Variants in NOTCH1 observed in about 807,000 individuals in gnomAD.
NOTCH1 encodes the protein notch receptor 1.
Under a neutral mutation model 254.8 loss-of-function variants are expected in NOTCH1, and 37 were observed. The observed-to-expected ratio is 0.15, with a 90% CI of 0.11 to 0.19. The LOEUF (loss-of-function observed/expected upper bound fraction) is 0.19, where lower values mean the gene tolerates loss of function less well. Among genes scored for constraint, NOTCH1 ranks in the 10% least tolerant of loss-of-function variants. NOTCH1 has a pLI of 1.00. For synonymous variants in NOTCH1, 1,731 were observed against 1,618.1 expected (o/e 1.07, Z -1.68); for missense variants, 2,972 against 3,708.6 (o/e 0.80, Z 5.16).
intron 19 of NOTCH1, 31 bp downstream of exon 19, chr9:136,508,839 C>T: frequency 6.5e-7 from 1 of 1,530,204 alleles, no homozygotes; most frequent in Non-Finnish European, 8.8e-7. Flanking sequence ...AGGGCCCCTC[C>T]TTCGGGCACC....
rs1589054356 is a variant in NOTCH1 at position 136,498,927 on chromosome 9, C to T, written c.6152G>A (p.Gly2051Glu). ...VDAAVVLLKN[G>E]ANKDMQNNRE... ...GTTGTTCTGCATATCTTTGTTAGCC[C>T]CGTTCTTCAGGAGCACAACTGCGGC... Residue 2051 changes from glycine to glutamate, a missense_variant, in exon 33 of 34, where the codon GGG (glycine) becomes GAG (glutamate). Around this residue, in one of 8 missense-constraint regions of NOTCH1, gnomAD observed 421 missense variants for 604.4 expected, o/e 0.70. Coordinates refer to ENST00000651671, the MANE Select transcript of NOTCH1 (RefSeq NM_017617.5). 4.3e-6 allele frequency: 7 copies of T among 1,613,744 alleles called. No homozygotes were observed. Among genetic ancestry groups the T allele is most frequent in the Non-Finnish European group, 5.1e-6 (6 of 1,179,996 alleles).
At chr9:136,519,006 C>T (rs888919421) in intron 5 of NOTCH1, among the ~76,000 whole-genome samples, 182 bp from the exon 6 acceptor site, 2 of 152,228 alleles carry the variant, frequency 1.3e-5, no homozygotes, top group African/African-American at 4.8e-5. Flanking sequence ...CTTGCCTCCT[C>T]TTTGTGCTCT....
chr9:136,530,688 G>A (rs1316963521), intron 2 of NOTCH1, among the ~76,000 whole-genome samples: 1 of 152,226 alleles, frequency 6.6e-6, no homozygotes, highest in Non-Finnish European at 1.5e-5. Flanking sequence ...GCAGGCATGT[G>A]TCTCCTGCCC....
intron 2 of NOTCH1, among the ~76,000 whole-genome samples, chr9:136,534,862 GC>G (rs1371672408): frequency 9.4e-5 from 2 of 21,288 alleles, no homozygotes; most frequent in African/African-American, 2.1e-4. Flanking sequence ...TCCCCACAGA[GC>G]CCCCAGTCCC....
intron 2 of NOTCH1, among the ~76,000 whole-genome samples, chr9:136,534,833 T>TCACAGAGCCCCCAGTCCCTCCC: frequency 2.6e-5 from 1 of 38,516 alleles, no homozygotes; most frequent in Admixed American, 3.1e-4. Context: ...CAGTTCCCTC[T>TCACAGAGCCCCCAGTCCCTCCC]CACAGAGCCC....
intron 2 of NOTCH1, among the ~76,000 whole-genome samples, chr9:136,530,161 C>T (rs555185432): frequency 1.3e-5 from 2 of 152,326 alleles, no homozygotes; most frequent in Non-Finnish European, 2.9e-5. Context: ...CGGCCCGCCA[C>T]AGCGCAGGGA....
At chr9:136,526,040 G>T (rs930857966) in intron 2 of NOTCH1, among the ~76,000 whole-genome samples, 1 of 152,268 alleles carries the variant, frequency 6.6e-6, no homozygotes, top group African/African-American at 2.4e-5. Flanking sequence ...AGCCCAGTGA[G>T]CGACGGGCAC....
In NOTCH1 at chr9:136,508,382, G is replaced by T. The variant is rs759406527; in HGVS notation, c.3175C>A (p.Leu1059Ile). 1 of 1,613,234 alleles carries T rather than the reference G, an allele frequency of 6.2e-7. No individual in the cohort carries two copies. Among genetic ancestry groups the T allele is most frequent in the East Asian group, 2.2e-5 (1 of 44,872 alleles). Residue 1059 changes from leucine to isoleucine, a missense_variant, in exon 20 of 34, where the codon CTT (leucine) becomes ATT (isoleucine). Physicochemically the swap from Leu to Ile is conservative, Grantham distance 5. Around this residue, in one of 8 missense-constraint regions of NOTCH1, gnomAD observed 1,343 missense variants for 1,557.0 expected, o/e 0.86. Transcript: ENST00000651671. ...GGCGAGGAGTCACACCAGTGCACAAGGTTCTGGGGACAGATTGGGGTCAGC... is the reference window on the plus strand; with the variant it reads ...GGCGAGGAGTCACACCAGTGCACAATGTTCTGGGGACAGATTGGGGTCAGC... ...QGYTGPNCQN[L>I]VHWCDSSPCK... is the part of the protein sequence containing the mutation.
In NOTCH1 at chr9:136,518,026, G is replaced by A. The variant is rs1433120130; in HGVS notation, c.1256-89C>T. On this transcript the variant is annotated intron_variant, in intron 7 of 33. Transcript: ENST00000651671. ...ACACCACCCCCATCGGACTGGCAGG[G>A]TCCCATCCCCCATCTAACTGGGCAC... The A allele has an allele frequency of 7.6e-6, 12 of 1,568,788 alleles. No individual in the cohort carries two copies. The African/African-American group carries it at 8.1e-5, about 11-fold the overall frequency.
In NOTCH1 at chr9:136,540,573, G is replaced by A. The variant is rs570569509; in HGVS notation, c.140+3451C>T. ...CGCTGACCAGGTGCCCTCTCCACAC[G>A]GTTCTCATGCAATCCTCACACACCA... is the stretch of plus-strand genomic sequence containing the variant. On this transcript the variant is annotated intron_variant, in intron 2 of 33. Transcript: ENST00000651671. This position sits in a 1 kb window ranked among gnomAD's most constrained non-coding sequence, Gnocchi z 4.4. Among the ~76,000 whole-genome samples, 5 of 152,274 alleles carry A rather than the reference G, an allele frequency of 3.3e-5. No individual in the cohort carries two copies. The highest frequency in any genetic ancestry group is 1.3e-4 in the Admixed American group (2 of 15,296).
At chr9:136,541,560 G>A (rs967246139) in intron 2 of NOTCH1, among the ~76,000 whole-genome samples, 14 of 152,296 alleles carry the variant, frequency 9.2e-5, no homozygotes, top group Admixed American at 5.2e-4. Flanking sequence ...TCCCCTTGCT[G>A]GGGGAGCCAG....
Position 136,524,120 on chromosome 9 carries a change from C to T in NOTCH1, c.141-141G>A. 2.7e-6 allele frequency: 3 copies of T among 1,093,160 alleles called. No homozygotes were observed. In the South Asian group the frequency reaches 4.1e-5, roughly 15 times the overall value. 67.7% of individuals were successfully genotyped at this position (1,093,160 alleles called of 1,614,324 possible). On this transcript the variant is annotated intron_variant, in intron 2 of 33. Coordinates refer to ENST00000651671, the MANE Select transcript of NOTCH1 (RefSeq NM_017617.5). ...GCACAACGGCTGCTTAGCGGGGTTC[C>T]CTTAGGGCTGATAAAATGTTCTGGA...
intron 8 of NOTCH1, 70 bp from the exon 9 acceptor site, chr9:136,517,455 T>C: frequency 1.7e-6 from 2 of 1,153,920 alleles, no homozygotes; most frequent in Non-Finnish European, 2.5e-6. Flanking sequence ...GCTGTGGACT[T>C]GGGACAGAAA....
intron 15 of NOTCH1, among the ~76,000 whole-genome samples, chr9:136,512,157 G>A (rs552545965): frequency 1.3e-5 from 2 of 152,266 alleles, no homozygotes; most frequent in Non-Finnish European, 2.9e-5. Flanking sequence ...CCCGATCGAC[G>A]TGTCTGAAAG....
At chr9:136,498,199 C>T (rs1182062610) in intron 33 of NOTCH1, among the ~76,000 whole-genome samples, 11 of 148,134 alleles carry the variant, frequency 7.4e-5, no homozygotes, top group African/African-American at 1.2e-4. Flanking sequence ...GAGGGAGAGA[C>T]GCCTGAGCCT....
At chr9:136,517,688 G>A (rs2133367977) in intron 8 of NOTCH1, 64 bp downstream of exon 8, 2 of 1,588,650 alleles carry the variant, frequency 1.3e-6, no homozygotes, top group South Asian at 1.1e-5. Flanking sequence ...GATGTTCCCG[G>A]GGCTGCCCCT....
chr9:136,500,322 G>C (rs1452681641), intron 31 of NOTCH1, among the ~76,000 whole-genome samples: 1 of 152,176 alleles, frequency 6.6e-6, no homozygotes, highest in African/African-American at 2.4e-5. Context: ...GATCCCCCAG[G>C]CCTCCTGCCA....
At chr9:136,543,733 A>G (rs538396575) in intron 2 of NOTCH1, 1 of 554,118 alleles carries the variant, frequency 1.8e-6, no homozygotes, top group East Asian at 3.1e-5. Flanking sequence ...TTTCTTGGGG[A>G]CTTAAAGAAG....
In NOTCH1 at chr9:136,509,929, C is replaced by G. The variant is rs775047070; in HGVS notation, c.2773G>C (p.Gly925Arg). The G allele has an allele frequency of 6.2e-7, 1 of 1,613,240 alleles. No homozygotes were observed. The highest frequency in any genetic ancestry group is 8.5e-7 in the Non-Finnish European group (1 of 1,180,010). Reference sequence around the variant, plus strand: ...CAGTCGCAGAAGGCCGTGTTGATGCCGTCTGTGCAGGAGCCCCCGTTGTGA... The same window carrying G: ...CAGTCGCAGAAGGCCGTGTTGATGCGGTCTGTGCAGGAGCCCCCGTTGTGA... The part of the protein sequence containing the change: ...PCHNGGSCTD[G>R]INTAFCDCLP... Residue 925 changes from glycine (G) to arginine (R), a missense_variant, in exon 18 of 34, where the codon GGC becomes CGC. By Grantham distance (125) the Gly-to-Arg change is moderately radical. Transcript: ENST00000651671.
Sources: allele counts gnomAD v4.1 joint callset (sites outside exome capture counted in the v4.1 genomes callset), GRCh38; gene constraint gnomAD v4.1.1; regional missense constraint gnomAD v4.1.1; non-coding constraint Gnocchi (gnomAD v3.1); transcripts MANE v1.5; gene names NCBI Gene and HGNC (gene_info 2026-07-23, HGNC 2026-07-21).